IFT172: variants seen among roughly 807,000 people sequenced by gnomAD.
The protein encoded by IFT172 is intraflagellar transport 172.
Under a neutral mutation model 248.9 loss-of-function variants are expected in IFT172, and 164 were observed. The observed-to-expected ratio is 0.66, with a 90% CI of 0.58 to 0.75. The LOEUF is 0.75. IFT172 is among the 30% of genes least tolerant of loss of function. The pLI, the probability that IFT172 is intolerant of heterozygous loss-of-function variation, is 0.00. For missense variants in IFT172, 1,950 were observed against 2,192.4 expected, an observed-to-expected ratio of 0.89 and a Z score of 2.21; for synonymous variants, 729 against 791.6, an observed-to-expected ratio of 0.92 and a Z score of 1.33.
intron 29 of IFT172, 50 bp from the exon 30 acceptor site, chr2:27,456,703 C>T: frequency 6.3e-7 from 1 of 1,588,576 alleles, no homozygotes; most frequent in Non-Finnish European, 8.6e-7. Context: ...CTTCTCCCTT[C>T]TCATCTCTGA....
rs187999527 is a variant in IFT172, at chr2:27,468,484, T to A, written c.1692+2444A>T. 1.6e-3 allele frequency among the ~76,000 whole-genome samples: 249 copies of A among 152,106 alleles called. 4 individuals carry two copies. The highest frequency in any genetic ancestry group is 5.7e-3 in the African/African-American group (235 of 41,548). ...TCTGGCCTCAAGTGATCCGCCTGTC[T>A]CAGCCTCCCAAAGTGCTGGAATTAT... On this transcript the variant is annotated intron_variant, in intron 16 of 47. Transcript: ENST00000260570.
chr2:27,472,326 C>A lies in IFT172; in HGVS notation c.1448G>T (p.Ser483Ile). ...CAGCCAATCCACACGGCTCTCATGG[C>A]TGACGGTGCCAATGTTGTAGCCACC... is the stretch of plus-strand genomic sequence containing the variant. Reference protein sequence around the residue: ...LIGGYNIGTVSHESRVDWLEL... With the variant: ...LIGGYNIGTVIHESRVDWLEL... The change falls in exon 15 of 48, where the codon AGC (serine) becomes ATC (isoleucine). Residue 483 changes from serine to isoleucine, a missense_variant. Ser to Ile is a moderately radical substitution (Grantham distance 142). Coordinates refer to ENST00000260570, the MANE Select transcript of IFT172 (RefSeq NM_015662.3). 6.2e-7 allele frequency: 1 copy of A among 1,614,146 alleles called. No homozygotes were observed. The highest frequency in any genetic ancestry group is 1.1e-5 in the South Asian group (1 of 91,070).
At chr2:27,481,486 GGTT>G (rs1668369077) in intron 7 of IFT172, among the ~76,000 whole-genome samples, 2 of 151,426 alleles carry the variant, frequency 1.3e-5, no homozygotes, top group African/African-American at 4.9e-5. Context: ...TACACATAGG[GGTT>G]GACCTTGTGC....
intron 1 of IFT172, among the ~76,000 whole-genome samples, chr2:27,489,351 T>C (rs1298137903): frequency 6.6e-6 from 1 of 152,184 alleles, no homozygotes; most frequent in East Asian, 1.9e-4. Flanking sequence ...GGGAGGGACA[T>C]AAGTCGGGTG....
Position 27,454,210 on chromosome 2 carries a change from C to T in IFT172, c.3531-48G>A. The T allele has an allele frequency of 6.2e-7, 1 of 1,602,128 alleles. No homozygotes were observed. Among genetic ancestry groups the T allele is most frequent in the Non-Finnish European group, 8.5e-7 (1 of 1,171,448 alleles). On this transcript the variant is annotated intron_variant, in intron 32 of 47. Transcript: ENST00000260570. The surrounding 1 kb of genome is among the most constrained non-coding windows in gnomAD (Gnocchi z 4.2). ...GAGAGACTGAGTATAGGACTGAGGCCCCAATAGTGGGAGACAAACAGCCAT... is the reference window on the plus strand; with the variant it reads ...GAGAGACTGAGTATAGGACTGAGGCTCCAATAGTGGGAGACAAACAGCCAT...
At chr2:27,456,778 C>T (rs1666198235) in intron 29 of IFT172, 125 bp from the exon 30 acceptor site, 3 of 1,365,284 alleles carry the variant, frequency 2.2e-6, no homozygotes, top group South Asian at 1.5e-5. Flanking sequence ...GGTGTGGTGG[C>T]TCATACCTAT....
At position 27,459,802 on chromosome 2, in the gene IFT172, G is replaced by T. The variant is rs1666499128; in HGVS notation, c.2549C>A (p.Pro850Gln). The stretch of plus-strand genomic sequence containing the variant: ...CTCCTCTAGTTTCACCACCTCCACT[G>T]GGAAGGCCAATCGAGCCAGCTCTAC... ...KAVELARLAFPVEVVKLEEAW... is the reference protein window; with the variant it reads ...KAVELARLAFQVEVVKLEEAW... Residue 850 changes from proline to glutamine, a missense_variant, in exon 24 of 48, where the codon CCA (proline) becomes CAA (glutamine). Transcript: ENST00000260570. 2 of 1,612,410 alleles carry T rather than the reference G, an allele frequency of 1.2e-6. No individual in the cohort carries two copies. The highest frequency in any genetic ancestry group is 4.5e-5 in the East Asian group (2 of 44,884).
At chr2:27,472,139 G>A (rs746602979) in intron 15 of IFT172, 111 bp downstream of exon 15, 1 of 772,534 alleles carries the variant, frequency 1.3e-6, no homozygotes, top group Non-Finnish European at 2.3e-6. Flanking sequence ...CCATGTTGAT[G>A]ACACAGCAAA....
chr2:27,455,957 T>A (rs1028926677), intron 30 of IFT172: 7 of 262,170 alleles, frequency 2.7e-5, no homozygotes, highest in Non-Finnish European at 4.4e-5. Context: ...CTCACGCCTG[T>A]AATCTCAGCA....
intron 23 of IFT172, 31 bp downstream of exon 23, chr2:27,460,984 C>T: frequency 6.2e-7 from 1 of 1,613,992 alleles, no homozygotes. Context: ...GAGTCCACAA[C>T]AGTAAAGGAT....
rs773174861 is a variant in IFT172 at position 27,461,507 on chromosome 2, G to T, written c.2204C>A (p.Ala735Asp). ...GTAACTACGACGTAGCTTCTCCAGGGCTGGGTGCCCCTGGACATGCACAGA... is the reference window on the plus strand; with the variant it reads ...GTAACTACGACGTAGCTTCTCCAGGTCTGGGTGCCCCTGGACATGCACAGA... Reference protein sequence around the residue: ...IAVAEAKGHPALEKLRRSYYQ... With the variant: ...IAVAEAKGHPDLEKLRRSYYQ... Residue 735 changes from alanine (A) to aspartate (D), a missense_variant, in exon 22 of 48, where the codon GCC becomes GAC. Around this residue, in one of 3 missense-constraint regions of IFT172, gnomAD observed 1,166 missense variants for 1,254.1 expected, o/e 0.93. Transcript: ENST00000260570. The T allele has an allele frequency of 2.0e-5, 33 of 1,613,994 alleles. No individual in the cohort carries two copies. Among genetic ancestry groups the T allele is most frequent in the Non-Finnish European group, 2.7e-5 (32 of 1,179,918 alleles).
At chr2:27,446,055 C>G in intron 43 of IFT172, 67 bp from the exon 44 acceptor site, 1 of 1,588,102 alleles carries the variant, frequency 6.3e-7, no homozygotes, top group Admixed American at 1.7e-5. Context: ...CTCTGGGATC[C>G]AGATGCAAAT....
intron 42 of IFT172, among the ~76,000 whole-genome samples, chr2:27,446,672 C>A (rs965767502): frequency 6.9e-5 from 10 of 143,950 alleles, no homozygotes; most frequent in African/African-American, 2.6e-4. Context: ...CATTACCATG[C>A]CTGGCTAATT....
rs1431975735 is a variant in IFT172, at chr2:27,459,490, C to T, written c.2675G>A (p.Gly892Asp). The stretch of plus-strand genomic sequence containing the variant: ...AATTGCCTTCTTCCACTGGCGGGCA[C>T]CCAGGGCGGCCTCAATTGCCTTAAT... The part of the protein sequence containing the change: ...CSIKAIEAAL[G>D]ARQWKKAIYI... Residue 892 changes from glycine to aspartate, a missense_variant, in exon 25 of 48, where the codon GGT becomes GAT. Gly to Asp is a moderately conservative substitution (Grantham distance 94). Coordinates refer to ENST00000260570, the MANE Select transcript of IFT172 (RefSeq NM_015662.3). The T allele has an allele frequency of 6.2e-7, 1 of 1,614,106 alleles. No homozygotes were observed. The highest frequency in any genetic ancestry group is 8.5e-7 in the Non-Finnish European group (1 of 1,180,000).
chr2:27,445,282 G>A lies in IFT172; in HGVS notation c.5068+14C>T. ...TACCCACCACAGGATCTGGGGTGCT[G>A]TAGGCTTCTATACCTGTAATAAGGC... On this transcript the variant is annotated intron_variant, in intron 46 of 47. Transcript: ENST00000260570. The surrounding 1 kb of genome is among the most constrained non-coding windows in gnomAD (Gnocchi z 4.4). 1 of 1,605,014 alleles carries A rather than the reference G, an allele frequency of 6.2e-7. No individual in the cohort carries two copies. The highest frequency in any genetic ancestry group is 1.7e-4 in the Middle Eastern group (1 of 5,742).
chr2:27,464,825 C>T (rs747728991), intron 18 of IFT172, among the ~76,000 whole-genome samples: 5 of 152,062 alleles, frequency 3.3e-5, no homozygotes, highest in Non-Finnish European at 5.9e-5. Context: ...GCCATGTTGG[C>T]CAGGCTGCTC....
Position 27,445,931 on chromosome 2 carries a change from CG to C in IFT172, c.4812del (p.Asp1605MetfsTer8). 6.2e-7 allele frequency: 1 copy of C among 1,614,224 alleles called. No individual in the cohort carries two copies. On this transcript the variant is annotated frameshift_variant, in exon 44 of 48. Transcript: ENST00000260570. LOFTEE classifies it high-confidence loss of function. This position sits in a 1 kb window ranked among gnomAD's most constrained non-coding sequence, Gnocchi z 4.4. ...FIFLNRFLDL[T>X]DAIEEGTLDG... ...CGGGGCACAGCTTCCCTACTCACAT[CG>C]GTCAGGTCCAAAAAGCGATTGAGGA...
intron 4 of IFT172, 42 bp downstream of exon 4, chr2:27,484,185 G>A (rs757754237): frequency 6.2e-7 from 1 of 1,612,354 alleles, no homozygotes; most frequent in East Asian, 2.2e-5. Flanking sequence ...ACTGATATAT[G>A]TTTGTTCATC....
Position 27,445,368 on chromosome 2 carries a change from C to A in IFT172, c.4996G>T (p.Glu1666Ter). The part of the protein sequence containing the change: ...QRLEQVLPRD[E>*]RGAYEASLVA... ...AGGGAGGCCTCGTAGGCGCCACGCT[C>A]ATCCCGAGGCAGAACCTGCTCCAGC... Residue 1666 changes from glutamate (E) to a stop codon, truncating the protein, a stop_gained, in exon 46 of 48, where the codon GAG (glutamate) becomes TAG (stop). Transcript: ENST00000260570. LOFTEE classifies it high-confidence loss of function. The surrounding 1 kb of genome is among the most constrained non-coding windows in gnomAD (Gnocchi z 4.4). 8 of 1,613,116 alleles carry A rather than the reference C, an allele frequency of 5.0e-6. No individual in the cohort carries two copies. Among genetic ancestry groups the A allele is most frequent in the Non-Finnish European group, 6.8e-6 (8 of 1,179,718 alleles).
Sources: gnomAD v4.1 joint callset for allele counts (sites outside exome capture counted in the v4.1 genomes callset) on GRCh38, gnomAD v4.1.1 for gene constraint, gnomAD v4.1.1 regional missense constraint, Gnocchi (gnomAD v3.1) non-coding constraint, MANE v1.5 for transcripts, NCBI Gene and HGNC (gene_info 2026-07-23, HGNC 2026-07-21) for gene names.